RAG1: variants seen among roughly 807,000 people sequenced by gnomAD.
The protein encoded by RAG1 is V(D)J recombination-activating protein 1.
RAG1 carries 35 observed loss-of-function variants against 62.7 expected under a neutral mutation model. That is an observed-to-expected ratio of 0.56 (90% CI 0.43 to 0.74). The LOEUF (loss-of-function observed/expected upper bound fraction) is 0.74, where lower values mean the gene tolerates loss of function less well. RAG1 is among the 30% of genes least tolerant of loss of function. The pLI, the probability that RAG1 is intolerant of heterozygous loss-of-function variation, is 0.00. For synonymous variants in RAG1, 461 were observed against 470.3 expected, an observed-to-expected ratio of 0.98 and a Z score of 0.26; for missense variants, 1,169 against 1,278.6, an observed-to-expected ratio of 0.91 and a Z score of 1.31.
At position 36,574,590 on chromosome 11, in the gene RAG1, A is replaced by T. The variant is rs104894292; in HGVS notation, c.1286A>T (p.Asp429Val). 1 of 1,614,208 alleles carries T rather than the reference A, an allele frequency of 6.2e-7. No homozygotes were observed. The highest frequency in any genetic ancestry group is 8.5e-7 in the Non-Finnish European group (1 of 1,180,050). Reference sequence around the variant, plus strand: ...TTTGCTGACAAAGAAGAAGGTGGAGATGTGAAGTCCGTGTGCATGACCTTG... The same window carrying T: ...TTTGCTGACAAAGAAGAAGGTGGAGTTGTGAAGTCCGTGTGCATGACCTTG... Reference protein sequence around the residue: ...KAFADKEEGGDVKSVCMTLFL... With the variant: ...KAFADKEEGGVVKSVCMTLFL... The change falls in exon 2 of 2, where the codon GAT (aspartate) becomes GTT (valine). Residue 429 changes from aspartate to valine, a missense_variant. Physicochemically the swap from Asp to Val is radical, Grantham distance 152. Coordinates refer to ENST00000299440, the MANE Select transcript of RAG1 (RefSeq NM_000448.3).
intron 2 of RAG1, among the ~76,000 whole-genome samples, chr11:36,529,514 A>G (rs80296664): frequency 1.3e-5 from 2 of 152,214 alleles, no homozygotes; most frequent in Non-Finnish European, 2.9e-5. Flanking sequence ...AGAGCTACTT[A>G]TGACAAACTC....
At chr11:36,558,586 C>G (rs547203752) in intron 3 of RAG1, among the ~76,000 whole-genome samples, 1 of 152,084 alleles carries the variant, frequency 6.6e-6, no homozygotes, top group African/African-American at 2.4e-5. Flanking sequence ...CGTAGTTACT[C>G]CTGCTTACTT....
chr11:36,565,224 C>T (rs1850644774), upstream of RAG1, among the ~76,000 whole-genome samples: 1 of 152,198 alleles, frequency 6.6e-6, no homozygotes, highest in African/African-American at 2.4e-5. Context: ...GCAGCGTTCA[C>T]ACACTCAGAC....
In RAG1 at chr11:36,573,601, C is replaced by T. The variant is rs745909489; in HGVS notation, c.297C>T (p.Gly99=). The change falls in exon 2 of 2, where the codon GGC becomes GGT. Residue 99 remains glycine, a synonymous_variant. Transcript: ENST00000299440. ...KKFHDNEKAR[G]KAIHQANLRH... ...TTCACGACAACGAGAAAGCAAGAGG[C>T]AAAGCGATCCATCAAGCCAACCTTC... The T allele has an allele frequency of 2.5e-6, 4 of 1,614,070 alleles. No homozygotes were observed. Among genetic ancestry groups the T allele is most frequent in the South Asian group, 2.2e-5 (2 of 91,086 alleles).
chr11:36,548,149 C>A (rs1208839444), intron 3 of RAG1, among the ~76,000 whole-genome samples: 1 of 152,136 alleles, frequency 6.6e-6, no homozygotes, highest in Non-Finnish European at 1.5e-5. Context: ...CTATTTATGA[C>A]AAACTCAGAG....
chr11:36,566,081 AAGAGAG>A (rs137987566), upstream of RAG1, among the ~76,000 whole-genome samples: 3 of 150,398 alleles, frequency 2.0e-5, no homozygotes, highest in African/African-American at 4.9e-5. Flanking sequence ...ATATGATTTG[AAGAGAG>A]AGAGAGAGAG....
intron 3 of RAG1, among the ~76,000 whole-genome samples, chr11:36,559,074 GT>G (rs1850545577): frequency 6.6e-6 from 1 of 152,046 alleles, no homozygotes; most frequent in African/African-American, 2.4e-5. Context: ...GAAAGACTTT[GT>G]TTCTCCTTCA....
At chr11:36,547,741 T>G (rs1014318954) in intron 3 of RAG1, among the ~76,000 whole-genome samples, 2 of 151,926 alleles carry the variant, frequency 1.3e-5, no homozygotes, top group Non-Finnish European at 2.9e-5. Context: ...TTCCAAACAA[T>G]AGAAAAAGAG....
chr11:36,577,697 G>T lies in RAG1; in HGVS notation c.*1261G>T, dbSNP rs1044251748. ...CATTTGATGGGGGTTTAAATGATTTGCTCAAAGTCATTTAGGGGTAATAAA... is the reference window on the plus strand; with the variant it reads ...CATTTGATGGGGGTTTAAATGATTTTCTCAAAGTCATTTAGGGGTAATAAA... On this transcript the variant is annotated 3_prime_UTR_variant, in exon 2 of 2. Coordinates refer to ENST00000299440, the MANE Select transcript of RAG1 (RefSeq NM_000448.3). 6.0e-6 allele frequency: 1 copy of T among 166,988 alleles called. No individual in the cohort carries two copies. The highest frequency in any genetic ancestry group is 2.4e-5 in the African/African-American group (1 of 41,432). The allele number at this position is 166,988 out of a possible 1,614,324, so 10.3% of individuals were successfully genotyped here. A position where few individuals can be genotyped will look rare whatever the true frequency, so the allele number is the denominator to read the frequency against.
chr11:36,568,924 T>C (rs1850698344), intron 1 of RAG1, among the ~76,000 whole-genome samples: 1 of 152,170 alleles, frequency 6.6e-6, no homozygotes, highest in African/African-American at 2.4e-5. Flanking sequence ...TTTTGATACA[T>C]GATGTTTGGC....
intron 1 of RAG1, among the ~76,000 whole-genome samples, chr11:36,515,143 C>T (rs746635170): frequency 1.3e-5 from 2 of 152,134 alleles, no homozygotes; most frequent in Admixed American, 6.5e-5. Context: ...AGAGAAGAAA[C>T]GCAACCTGGT....
At chr11:36,542,620 G>A (rs1850323767) in intron 3 of RAG1, among the ~76,000 whole-genome samples, 2 of 152,168 alleles carry the variant, frequency 1.3e-5, no homozygotes, top group African/African-American at 4.8e-5. Flanking sequence ...TCCTTTGCTT[G>A]TTCCCAGAAG....
At chr11:36,532,662 G>A (rs1386853256) in intron 2 of RAG1, among the ~76,000 whole-genome samples, 2 of 152,170 alleles carry the variant, frequency 1.3e-5, no homozygotes, top group East Asian at 3.9e-4. Context: ...GAAGTGTGAT[G>A]AAATCTTACC....
chr11:36,548,596 C>T (rs749270966), intron 3 of RAG1, among the ~76,000 whole-genome samples: 10 of 152,180 alleles, frequency 6.6e-5, no homozygotes, highest in African/African-American at 1.4e-4. Context: ...AGGAGAACTA[C>T]AAACCACTGC....
At chr11:36,568,896 CT>C (rs1442907366) in intron 1 of RAG1, among the ~76,000 whole-genome samples, 1 of 152,060 alleles carries the variant, frequency 6.6e-6, no homozygotes, top group Non-Finnish European at 1.5e-5. Flanking sequence ...TATAAAAAGG[CT>C]TTTTATTTTG....
In RAG1 at chr11:36,517,589, T is replaced by C. The variant is rs1449445802; in HGVS notation, n.331-2543T>C. Among the ~76,000 whole-genome samples the C allele has an allele frequency of 2.0e-5, 3 of 152,322 alleles. No homozygotes were observed. In the East Asian group the frequency reaches 5.8e-4, roughly 29 times the overall value. ...ATACCTTTTCGTTTTCTGTCACATA[T>C]AGTAGGACACATATTCCAGACTCCT... On this transcript the variant is annotated intron_variant and non_coding_transcript_variant, in intron 1 of 2. Transcript: ENST00000529126.
At chr11:36,528,799 A>T (rs1337277697) in intron 2 of RAG1, among the ~76,000 whole-genome samples, 1 of 152,144 alleles carries the variant, frequency 6.6e-6, no homozygotes, top group Non-Finnish European at 1.5e-5. Context: ...ACAATAAAAA[A>T]TGATAAAGGG....
intron 1 of RAG1, among the ~76,000 whole-genome samples, chr11:36,570,915 G>A (rs1850730170): frequency 6.6e-6 from 1 of 152,112 alleles, no homozygotes; most frequent in African/African-American, 2.4e-5. Context: ...GTATATTCTG[G>A]TTATTAATCT....
At chr11:36,571,124 G>A (rs1850733919) in intron 1 of RAG1, among the ~76,000 whole-genome samples, 1 of 152,152 alleles carries the variant, frequency 6.6e-6, no homozygotes, top group South Asian at 2.1e-4. Flanking sequence ...CAGGCCAGTG[G>A]GAGTCAGGGG....
Sources: gnomAD v4.1 joint callset for allele counts (sites outside exome capture counted in the v4.1 genomes callset) on GRCh38, gnomAD v4.1.1 for gene constraint, MANE v1.5 for transcripts, NCBI Gene and HGNC (gene_info 2026-07-23, HGNC 2026-07-21) for gene names.